Variants in SHOC1 observed in about 807,000 individuals in gnomAD.
SHOC1 encodes the protein protein shortage in chiasmata 1 ortholog.
A neutral mutation model predicts 179.2 loss-of-function variants in SHOC1; 136 were observed. That is an observed-to-expected ratio of 0.76 (90% confidence interval 0.66 to 0.87). The LOEUF is 0.87. Ranked by LOEUF, SHOC1 falls within the 40% of genes least tolerant of loss-of-function variation. The probability of loss-of-function intolerance (pLI) is 0.00; values close to 1 mark genes in which losing one functional copy is unlikely to be tolerated. For missense variants in SHOC1, 1,538 were observed against 1,700.8 expected (o/e 0.90, Z 1.68); for synonymous variants, 489 against 586.6 (o/e 0.83, Z 2.41).
intron 18 of SHOC1, among the ~76,000 whole-genome samples, chr9:111,710,487 T>C (rs1023899838): frequency 6.6e-6 from 1 of 152,230 alleles, no homozygotes; most frequent in Non-Finnish European, 1.5e-5. Flanking sequence ...GAGGCACTAA[T>C]TGGCACATTC....
At chr9:111,763,255 T>C (rs1290198109) in intron 5 of SHOC1, among the ~76,000 whole-genome samples, 2 of 151,922 alleles carry the variant, frequency 1.3e-5, no homozygotes, top group Non-Finnish European at 2.9e-5. Flanking sequence ...AAGAGAAAAT[T>C]ATCATCAAAG....
rs776736997 is a variant in SHOC1 at position 111,727,682 on chromosome 9, ATATT to A, written c.1781_1784del (p.Lys594IlefsTer24). The A allele has an allele frequency of 6.2e-7, 1 of 1,605,392 alleles. No individual in the cohort carries two copies. The highest frequency in any genetic ancestry group is 8.5e-7 in the Non-Finnish European group (1 of 1,177,552). On this transcript the variant is annotated frameshift_variant, in exon 13 of 28. Coordinates refer to ENST00000682961, the MANE Select transcript of SHOC1 (RefSeq NM_001378211.1). LOFTEE classifies it high-confidence loss of function. Reference sequence around the variant, plus strand: ...CTTCAGTCTTTGAGGTGCAAGTCTTATATTTATTTCGCAGCATAATAAAGTCGCT... The same window carrying A: ...CTTCAGTCTTTGAGGTGCAAGTCTTATATTTCGCAGCATAATAAAGTCGCT...
intron 4 of SHOC1, among the ~76,000 whole-genome samples, chr9:111,776,981 C>T (rs977432383): frequency 6.6e-6 from 1 of 152,158 alleles, no homozygotes; most frequent in Non-Finnish European, 1.5e-5. Flanking sequence ...ATTTGTGGAT[C>T]AGAGTTTTTA....
chr9:111,728,405 C>A (rs1397159155), intron 12 of SHOC1, among the ~76,000 whole-genome samples: 5 of 152,098 alleles, frequency 3.3e-5, no homozygotes, highest in African/African-American at 1.2e-4. Context: ...ACTTGCAATA[C>A]ATATAACTGA....
chr9:111,702,044 A>G (rs1831994600), intron 23 of SHOC1, 61 bp downstream of exon 23: 1 of 1,250,676 alleles, frequency 8.0e-7, no homozygotes, highest in Non-Finnish European at 1.1e-6. Flanking sequence ...TTCCATTCAA[A>G]TAAGAGGACT....
At chr9:111,719,675 T>G (rs1832948667) in intron 15 of SHOC1, among the ~76,000 whole-genome samples, 1 of 152,172 alleles carries the variant, frequency 6.6e-6, no homozygotes, top group Non-Finnish European at 1.5e-5. Context: ...TTGATCTTGA[T>G]GCCTTTCTGT....
intron 11 of SHOC1, among the ~76,000 whole-genome samples, chr9:111,740,433 A>C (rs572935133): frequency 1.9e-4 from 29 of 152,182 alleles, no homozygotes; most frequent in Non-Finnish European, 4.0e-4. Flanking sequence ...TTAAAACAAT[A>C]CCTTATCCAA....
At chr9:111,773,422 C>T (rs914676340) in intron 5 of SHOC1, among the ~76,000 whole-genome samples, 9 of 152,080 alleles carry the variant, frequency 5.9e-5, no homozygotes, top group Non-Finnish European at 1.2e-4. Context: ...AAGTGATTCT[C>T]CTGCCTCAGC....
intron 3 of SHOC1, among the ~76,000 whole-genome samples, chr9:111,785,133 T>A (rs1836217666): frequency 6.6e-6 from 1 of 152,176 alleles, no homozygotes; most frequent in East Asian, 1.9e-4. Context: ...GAACTTTGCA[T>A]TTGCTTGAAG....
chr9:111,689,256 C>G (rs1226612142), intron 27 of SHOC1, among the ~76,000 whole-genome samples: 1 of 150,850 alleles, frequency 6.6e-6, no homozygotes, highest in African/African-American at 2.4e-5. Flanking sequence ...TGTGGTGGTG[C>G]GTACCTTTCG....
Position 111,775,881 on chromosome 9 carries a change from C to T in SHOC1, c.352G>A (p.Val118Ile). The T allele has an allele frequency of 6.2e-7, 1 of 1,613,668 alleles. No individual in the cohort carries two copies. Among genetic ancestry groups the T allele is most frequent in the Non-Finnish European group, 8.5e-7 (1 of 1,179,730 alleles). Residue 118 changes from valine to isoleucine, a missense_variant, in exon 5 of 28, where the codon GTC (valine) becomes ATC (isoleucine). Transcript: ENST00000682961. ...TAGTCCATGTGGGTGTATAAACTGACCTCCTCTACTTCAATTTGGGAGTCT... is the reference window on the plus strand; with the variant it reads ...TAGTCCATGTGGGTGTATAAACTGATCTCCTCTACTTCAATTTGGGAGTCT... Reference protein sequence around the residue: ...NPDSQIEVEEVSLYTHMDYNE... With the variant: ...NPDSQIEVEEISLYTHMDYNE...
chr9:111,776,069 A>T (rs1835822490), intron 4 of SHOC1, 94 bp from the exon 5 acceptor site: 1 of 847,742 alleles, frequency 1.2e-6, no homozygotes, highest in African/African-American at 1.7e-5. Context: ...AAAAATTATC[A>T]AATTCCAACA....
At chr9:111,759,591 C>T in intron 5 of SHOC1, 4 of 1,064,612 alleles carry the variant, frequency 3.8e-6, no homozygotes, top group Non-Finnish European at 4.5e-6. Flanking sequence ...CCCAATTCTT[C>T]AATAAGTTTT....
intron 3 of SHOC1, 55 bp downstream of exon 3, chr9:111,785,857 C>T (rs1589479871): frequency 7.3e-7 from 1 of 1,366,344 alleles, no homozygotes; most frequent in African/African-American, 1.5e-5. Flanking sequence ...ATTTGCTGTG[C>T]TAAACTCTGA....
Position 111,785,902 on chromosome 9 carries a change from A to G in SHOC1, c.169+10T>C. ...TAAAACACATTTTTAAGAAATGAAA[A>G]CAAACATACCTCTCGTCCATGGCCT... On this transcript the variant is annotated intron_variant, in intron 3 of 27. Coordinates refer to ENST00000682961, the MANE Select transcript of SHOC1 (RefSeq NM_001378211.1). 6.9e-7 allele frequency: 1 copy of G among 1,444,636 alleles called. No individual in the cohort carries two copies. The highest frequency in any genetic ancestry group is 1.5e-5 in the South Asian group (1 of 65,646). The allele number at this position is 1,444,636 out of a possible 1,614,324, so 89.5% of individuals were successfully genotyped here.
intron 24 of SHOC1, among the ~76,000 whole-genome samples, chr9:111,696,714 C>G (rs1034794812): frequency 2.6e-5 from 4 of 152,162 alleles, no homozygotes; most frequent in Admixed American, 2.6e-4. Flanking sequence ...TCACTGGTAT[C>G]ATATGCCCCA....
chr9:111,742,419 C>G (rs2131504025), intron 10 of SHOC1, among the ~76,000 whole-genome samples: 1 of 151,850 alleles, frequency 6.6e-6, no homozygotes, highest in South Asian at 2.1e-4. Context: ...AAGTTTAGTT[C>G]AAGACCTTCA....
intron 13 of SHOC1, among the ~76,000 whole-genome samples, chr9:111,725,366 T>C (rs2131426350): frequency 6.6e-6 from 1 of 152,248 alleles, no homozygotes; most frequent in Middle Eastern, 3.4e-3. Flanking sequence ...AGTGCATTGG[T>C]ATGATCTATT....
chr9:111,760,927 G>T (rs1451772882), intron 5 of SHOC1, among the ~76,000 whole-genome samples: 3 of 151,114 alleles, frequency 2.0e-5, no homozygotes, highest in African/African-American at 7.3e-5. Context: ...TATGAGAGTA[G>T]AAAAAAGTAA....
Sources: gnomAD v4.1 joint callset for allele counts (sites outside exome capture counted in the v4.1 genomes callset) on GRCh38, gnomAD v4.1.1 for gene constraint, MANE v1.5 for transcripts, NCBI Gene and HGNC (gene_info 2026-07-23, HGNC 2026-07-21) for gene names.